Variants in SEMA6A observed in about 807,000 individuals in gnomAD.
SEMA6A encodes the protein semaphorin-6A.
Under a neutral mutation model 96.8 loss-of-function variants are expected in SEMA6A, and 25 were observed. That is an observed-to-expected ratio of 0.26 (90% CI 0.19 to 0.36). The LOEUF (loss-of-function observed/expected upper bound fraction) is 0.36. Ranked by LOEUF, SEMA6A falls within the 10% of genes least tolerant of loss-of-function variation. The pLI, the probability that SEMA6A is intolerant of heterozygous loss-of-function variation, is 1.00. For synonymous variants in SEMA6A, 612 were observed against 518.0 expected, an observed-to-expected ratio of 1.18 and a Z score of -2.46; for missense variants, 1,363 against 1,323.1, an observed-to-expected ratio of 1.03 and a Z score of -0.47.
intron 1 of SEMA6A, among the ~76,000 whole-genome samples, chr5:116,528,751 A>G (rs1473434916): frequency 6.6e-6 from 1 of 152,192 alleles, no homozygotes; most frequent in Non-Finnish European, 1.5e-5. Context: ...CAAATTAGGG[A>G]TCTAAACCTT....
At chr5:116,498,591 G>A (rs999086443) in intron 3 of SEMA6A, 1 of 151,490 alleles carries the variant, frequency 6.6e-6, no homozygotes, top group African/African-American at 2.4e-5. Context: ...GGAAGGGGGT[G>A]GAAGGGCGTG....
intron 1 of SEMA6A, among the ~76,000 whole-genome samples, chr5:116,573,055 A>T (rs1761293950): frequency 1.3e-5 from 2 of 149,564 alleles, no homozygotes; most frequent in Non-Finnish European, 3.0e-5. Flanking sequence ...AGGAGGGAGG[A>T]GACCTCAGGA....
At chr5:116,462,457 C>T (rs1336405751) in intron 18 of SEMA6A, among the ~76,000 whole-genome samples, 1 of 152,116 alleles carries the variant, frequency 6.6e-6, no homozygotes, top group African/African-American at 2.4e-5. Flanking sequence ...TAATAACTAG[C>T]GGCAGACCAC....
At chr5:116,456,975 G>GAA (rs1755053456) in intron 18 of SEMA6A, among the ~76,000 whole-genome samples, 1 of 152,168 alleles carries the variant, frequency 6.6e-6, no homozygotes, top group Non-Finnish European at 1.5e-5. Flanking sequence ...TTCCCGGGGT[G>GAA]AAAAGAGGGA....
chr5:116,565,254 A>G (rs1186131262), intron 1 of SEMA6A, among the ~76,000 whole-genome samples: 1 of 152,202 alleles, frequency 6.6e-6, no homozygotes, highest in Non-Finnish European at 1.5e-5. Context: ...CTTTTAATCC[A>G]ACACTGAATT....
intron 11 of SEMA6A, 92 bp from the exon 12 acceptor site, chr5:116,480,369 TGGAGGAGAATGTACTGCA>T (rs1756688609): frequency 1.4e-6 from 2 of 1,458,840 alleles, no homozygotes; most frequent in Non-Finnish European, 1.9e-6. Flanking sequence ...GCATCTGGAA[TGGAGGAGAATGTACTGCA>T]GCCTGAGAGG....
At chr5:116,452,089 G>T (rs75865887) in intron 18 of SEMA6A, among the ~76,000 whole-genome samples, 1,662 of 152,266 alleles carry the variant, frequency 0.011, 62 homozygotes, top group Admixed American at 0.062. Context: ...TTGGAGGGTG[G>T]TGTACTCCCC....
At chr5:116,478,918 A>C (rs1484065636) in intron 12 of SEMA6A, among the ~76,000 whole-genome samples, 200 bp from the exon 13 acceptor site, 1 of 132,396 alleles carries the variant, frequency 7.6e-6, no homozygotes, top group Non-Finnish European at 1.6e-5. Flanking sequence ...GGGAGGAAGG[A>C]GGTGTGAGAG....
At chr5:116,476,651 T>C (rs1395523174) in intron 15 of SEMA6A, among the ~76,000 whole-genome samples, 1 of 152,198 alleles carries the variant, frequency 6.6e-6, no homozygotes, top group East Asian at 1.9e-4. Context: ...TATATTGACT[T>C]AACAATAATT....
chr5:116,475,751 T>C, intron 15 of SEMA6A, 148 bp from the exon 16 acceptor site: 1 of 555,236 alleles, frequency 1.8e-6, no homozygotes. Flanking sequence ...CTTTAAAATT[T>C]ATCTCTGAAG....
chr5:116,482,604 T>G, intron 10 of SEMA6A, 29 bp from the exon 11 acceptor site: 1 of 1,611,994 alleles, frequency 6.2e-7, no homozygotes, highest in Non-Finnish European at 8.5e-7. Context: ...CATCAAGTGT[T>G]ACTCATGCAA....
At chr5:116,529,820 A>G (rs1215845879) in intron 1 of SEMA6A, among the ~76,000 whole-genome samples, 1 of 152,152 alleles carries the variant, frequency 6.6e-6, no homozygotes, top group African/African-American at 2.4e-5. Flanking sequence ...GATGGAAACA[A>G]TAAACACGGG....
chr5:116,512,650 T>C (rs1425997279), intron 1 of SEMA6A, among the ~76,000 whole-genome samples: 2 of 139,628 alleles, frequency 1.4e-5, no homozygotes, highest in African/African-American at 5.5e-5. Flanking sequence ...AAGTCTTTTC[T>C]TTCAGATGAT....
At chr5:116,519,723 A>G (rs899593633) in intron 1 of SEMA6A, among the ~76,000 whole-genome samples, 3 of 152,078 alleles carry the variant, frequency 2.0e-5, no homozygotes, top group African/African-American at 7.2e-5. Flanking sequence ...TATAATACAG[A>G]CTTACATAAA....
Position 116,446,180 on chromosome 5 carries a change from A to G in SEMA6A, c.*433T>C, listed in dbSNP as rs11950135. 0.047 allele frequency: 7,663 copies of G among 163,120 alleles called. 250 individuals carry two copies. Among genetic ancestry groups the G allele is most frequent in the East Asian group, 0.091 (520 of 5,722 alleles). 10.1% of individuals were successfully genotyped at this position (163,120 alleles called of 1,614,324 possible). On this transcript the variant is annotated 3_prime_UTR_variant, in exon 19 of 19. Transcript: ENST00000343348. ...GTTTTGCAGGTTGGAACGCAAACCC[A>G]GTCTGGCCACGTCCCGTGAAGTTGT...
intron 11 of SEMA6A, among the ~76,000 whole-genome samples, chr5:116,480,547 G>A (rs777223862): frequency 6.6e-6 from 1 of 152,172 alleles, no homozygotes; most frequent in Non-Finnish European, 1.5e-5. Flanking sequence ...ACAAACCTCA[G>A]TAAACAGTGA....
chr5:116,528,398 C>T (rs974182112), intron 1 of SEMA6A, among the ~76,000 whole-genome samples: 5 of 152,176 alleles, frequency 3.3e-5, no homozygotes, highest in Admixed American at 6.6e-5. Context: ...CATCCTCATT[C>T]GCCTTTACAA....
chr5:116,563,198 C>G (rs1218008316), intron 1 of SEMA6A, among the ~76,000 whole-genome samples: 4 of 152,266 alleles, frequency 2.6e-5, no homozygotes, highest in African/African-American at 4.8e-5. Context: ...TTTGAAAGAA[C>G]TGGGGCACCA....
At chr5:116,462,817 C>G (rs1256337831) in intron 18 of SEMA6A, among the ~76,000 whole-genome samples, 1 of 152,158 alleles carries the variant, frequency 6.6e-6, no homozygotes, top group Non-Finnish European at 1.5e-5. Flanking sequence ...GTCACCTAAA[C>G]TTTGGTCATT....
Sources: allele counts gnomAD v4.1 joint callset (sites outside exome capture counted in the v4.1 genomes callset), GRCh38; gene constraint gnomAD v4.1.1; transcripts MANE v1.5; gene names NCBI Gene and HGNC (gene_info 2026-07-23, HGNC 2026-07-21).